ATP9A: variants seen among roughly 807,000 people sequenced by gnomAD.
ATP9A encodes the protein probable phospholipid-transporting ATPase IIA.
In ATP9A, 52 loss-of-function variants were observed where a neutral mutation model predicts 144.1. The observed-to-expected ratio is 0.36, with a 90% CI of 0.29 to 0.45. The LOEUF (loss-of-function observed/expected upper bound fraction) is 0.45. ATP9A is among the 20% of genes least tolerant of loss of function. The probability of loss-of-function intolerance (pLI) is 1.00; values close to 1 mark genes in which losing one functional copy is unlikely to be tolerated. For missense variants in ATP9A, 947 were observed against 1,392.7 expected, an observed-to-expected ratio of 0.68 and a Z score of 5.09; for synonymous variants, 582 against 557.4, an observed-to-expected ratio of 1.04 and a Z score of -0.62.
intron 1 of ATP9A, among the ~76,000 whole-genome samples, chr20:51,733,896 A>G (rs2077752648): frequency 6.6e-6 from 1 of 151,370 alleles, no homozygotes; most frequent in South Asian, 2.1e-4. Context: ...GTGGTCTCAA[A>G]CACCTGGCCT....
At chr20:51,736,146 G>T (rs1366804814) in intron 1 of ATP9A, among the ~76,000 whole-genome samples, 1 of 152,252 alleles carries the variant, frequency 6.6e-6, no homozygotes, top group Non-Finnish European at 1.5e-5. Flanking sequence ...CACAGGCAAA[G>T]ATCCGGAGGT....
chr20:51,750,722 T>A (rs1302776107), intron 1 of ATP9A, among the ~76,000 whole-genome samples: 1 of 152,128 alleles, frequency 6.6e-6, no homozygotes, highest in Admixed American at 6.6e-5. Context: ...AGAGCCAGGA[T>A]GTGAGTCCAG....
intron 14 of ATP9A, among the ~76,000 whole-genome samples, chr20:51,655,530 C>T (rs537696905): frequency 1.1e-4 from 16 of 152,148 alleles, no homozygotes; most frequent in African/African-American, 3.6e-4. Context: ...TACGAAAAGA[C>T]GCTCAACATC....
At chr20:51,622,814 A>AT (rs1415763022) in intron 18 of ATP9A, among the ~76,000 whole-genome samples, 1 of 152,042 alleles carries the variant, frequency 6.6e-6, no homozygotes, top group Admixed American at 6.6e-5. Flanking sequence ...CTGCTCTGTG[A>AT]TTTTACCTCA....
intron 14 of ATP9A, among the ~76,000 whole-genome samples, chr20:51,648,015 G>A (rs552368154): frequency 6.6e-6 from 1 of 152,292 alleles, no homozygotes; most frequent in East Asian, 1.9e-4. Context: ...CCTAACCTCT[G>A]TTCTTTGACC....
chr20:51,632,356 A>G (rs2426324), intron 15 of ATP9A, among the ~76,000 whole-genome samples: 67,587 of 152,180 alleles, frequency 0.44, 15,791 homozygotes, highest in East Asian at 0.68. Context: ...TATTACAGGC[A>G]GGAGCCACCG....
At chr20:51,669,000 T>C (rs777659401) in intron 13 of ATP9A, among the ~76,000 whole-genome samples, 23 of 152,336 alleles carry the variant, frequency 1.5e-4, no homozygotes, top group African/African-American at 5.3e-4. Context: ...CTTCTGACTA[T>C]GGGAATGTTC....
At chr20:51,674,373 A>C in intron 10 of ATP9A, 60 bp from the exon 11 acceptor site, 3 of 1,575,698 alleles carry the variant, frequency 1.9e-6, no homozygotes, top group Non-Finnish European at 2.6e-6. Flanking sequence ...TCTCAAACCT[A>C]AACCAGGAGG....
At chr20:51,705,206 G>A (rs2077610179) in intron 4 of ATP9A, among the ~76,000 whole-genome samples, 1 of 152,086 alleles carries the variant, frequency 6.6e-6, no homozygotes, top group South Asian at 2.1e-4. Flanking sequence ...TAACCACAAT[G>A]ACATACAACT....
chr20:51,761,920 C>G (rs2077882488), intron 1 of ATP9A, among the ~76,000 whole-genome samples: 1 of 152,126 alleles, frequency 6.6e-6, no homozygotes, highest in Admixed American at 6.6e-5. Context: ...GAGTCCGTTT[C>G]CTTAACTCTT....
At chr20:51,604,731 A>ACC in intron 27 of ATP9A, 86 bp downstream of exon 27, 2 of 1,257,332 alleles carry the variant, frequency 1.6e-6, no homozygotes, top group East Asian at 5.9e-5. Flanking sequence ...AGCGCTGGGA[A>ACC]CCCCCCTTCC....
At chr20:51,638,069 TTTTATATATATATATATATATA>T (rs1252335159) in intron 15 of ATP9A, among the ~76,000 whole-genome samples, 2,070 of 73,136 alleles carry the variant, frequency 0.028, 124 homozygotes, top group Middle Eastern at 0.042. Flanking sequence ...CATTTCATCA[TTTTATATATATATATATATATA>T]TATATATATA....
rs115686979 is a variant in ATP9A at position 51,741,136 on chromosome 20, C to T, written c.69-11158G>A. 9.4e-3 allele frequency among the ~76,000 whole-genome samples: 1,432 copies of T among 152,022 alleles called. 17 individuals carry two copies. Among genetic ancestry groups the T allele is most frequent in the African/African-American group, 0.032 (1,344 of 41,516 alleles). On this transcript the variant is annotated intron_variant, in intron 1 of 27. Coordinates refer to ENST00000338821, the MANE Select transcript of ATP9A (RefSeq NM_006045.3). ...CATAGCTACATGTGACCACTAACTACGGACTAGACTGTGCAGACACAGAAC... is the reference window on the plus strand; with the variant it reads ...CATAGCTACATGTGACCACTAACTATGGACTAGACTGTGCAGACACAGAAC...
chr20:51,613,649 T>C, intron 23 of ATP9A, 28 bp downstream of exon 23: 1 of 1,599,962 alleles, frequency 6.3e-7, no homozygotes, highest in Admixed American at 1.7e-5. Context: ...CACAGGCACA[T>C]GTGCAGAGGG....
intron 1 of ATP9A, among the ~76,000 whole-genome samples, chr20:51,747,326 A>T (rs2077812974): frequency 6.6e-6 from 1 of 152,148 alleles, no homozygotes; most frequent in Non-Finnish European, 1.5e-5. Flanking sequence ...AAGTCCTGCC[A>T]GAGGGAGGTA....
chr20:51,612,310 A>G (rs1234556122), intron 23 of ATP9A, among the ~76,000 whole-genome samples: 1 of 152,212 alleles, frequency 6.6e-6, no homozygotes, highest in Non-Finnish European at 1.5e-5. Flanking sequence ...TTTTCACCTC[A>G]ATGCCCAAAA....
chr20:51,635,763 G>GA (rs1201955731), intron 15 of ATP9A, among the ~76,000 whole-genome samples: 1 of 112,246 alleles, frequency 8.9e-6, no homozygotes, highest in Admixed American at 9.9e-5. Context: ...AAAGAGAAGA[G>GA]AAAAGAAAAG....
At chr20:51,746,535 C>G (rs543799005) in intron 1 of ATP9A, among the ~76,000 whole-genome samples, 1 of 151,538 alleles carries the variant, frequency 6.6e-6, no homozygotes, top group East Asian at 1.9e-4. Context: ...GCTGTCTCTA[C>G]TACAAACACA....
chr20:51,661,722 C>T (rs969376276), intron 13 of ATP9A, among the ~76,000 whole-genome samples: 7 of 152,006 alleles, frequency 4.6e-5, no homozygotes, highest in African/African-American at 1.7e-4. Flanking sequence ...CCCTAACTAA[C>T]CTGCCACATC....
Sources: allele counts gnomAD v4.1 joint callset (sites outside exome capture counted in the v4.1 genomes callset), GRCh38; gene constraint gnomAD v4.1.1; transcripts MANE v1.5; gene names NCBI Gene and HGNC (gene_info 2026-07-23, HGNC 2026-07-21).